Variants in IGSF10 observed in about 807,000 individuals in gnomAD.
IGSF10 encodes the protein calvaria mechanical force protein 608.
A neutral mutation model predicts 128.2 loss-of-function variants in IGSF10; 126 were observed. The ratio of observed to expected loss-of-function variants is 0.98; its 90% CI spans 0.85 to 1.14. The LOEUF is 1.14. IGSF10 is among the 50% of genes most tolerant of loss of function. The pLI, the probability that IGSF10 is intolerant of heterozygous loss-of-function variation, is 0.00. For missense variants in IGSF10, 3,295 were observed against 3,149.8 expected (o/e 1.05, Z -1.10); for synonymous variants, 1,185 against 1,146.2 (o/e 1.03, Z -0.68).
intron 7 of IGSF10, among the ~76,000 whole-genome samples, chr3:151,439,833 CT>C (rs1242880041): frequency 6.6e-6 from 1 of 152,166 alleles, no homozygotes; most frequent in African/African-American, 2.4e-5. Context: ...ACTAAATCTA[CT>C]TTTTTAGACC....
the IGSF10 span, among the ~76,000 whole-genome samples, chr3:151,588,071 G>A: frequency 1.3e-5 from 2 of 152,250 alleles, no homozygotes; most frequent in South Asian, 4.2e-4. Flanking sequence ...AATTAAGTGA[G>A]GTATGAAATA....
At chr3:151,601,284 A>G in the IGSF10 span, among the ~76,000 whole-genome samples, 1 of 152,208 alleles carries the variant, frequency 6.6e-6, no homozygotes, top group Non-Finnish European at 1.5e-5. Context: ...TCTCTTTTAC[A>G]CGACAGTGCT....
the IGSF10 span, among the ~76,000 whole-genome samples, chr3:151,507,215 G>GTATA: frequency 6.6e-6 from 1 of 152,064 alleles, no homozygotes; most frequent in African/African-American, 2.4e-5. Context: ...GATCCTCCAG[G>GTATA]TATAGTCTTC....
chr3:151,616,151 A>G, the IGSF10 span, among the ~76,000 whole-genome samples: 3 of 151,654 alleles, frequency 2.0e-5, no homozygotes, highest in African/African-American at 7.3e-5. Context: ...TTTAGTAGAG[A>G]CAGGGTTTCT....
chr3:151,447,465 C>G lies in IGSF10; in HGVS notation c.2516G>C (p.Gly839Ala). 1.9e-6 allele frequency: 3 copies of G among 1,614,106 alleles called. No homozygotes were observed. In the South Asian group the frequency reaches 3.3e-5, roughly 18 times the overall value. ...SDSPMTNINY[G>A]TEFSPVVNSQ... The stretch of plus-strand genomic sequence containing the variant: ...ATTCACAACAGGAGAGAATTCTGTG[C>G]CATAATTTATGTTTGTCATAGGACT... Residue 839 changes from glycine to alanine, a missense_variant, in exon 6 of 8, where the codon GGC becomes GCC. By Grantham distance (60) the Gly-to-Ala change is moderately conservative. Transcript: ENST00000282466.
intron 2 of IGSF10, among the ~76,000 whole-genome samples, chr3:151,459,771 G>A (rs1721968088): frequency 6.6e-6 from 1 of 152,134 alleles, no homozygotes; most frequent in African/African-American, 2.4e-5. Flanking sequence ...TCTTTATTGT[G>A]CTTTTCCAAG....
Position 151,458,551 on chromosome 3 carries a change from G to A in IGSF10, c.159C>T (p.Asp53=), listed in dbSNP as rs199979646. The A allele has an allele frequency of 3.1e-6, 5 of 1,614,100 alleles. No homozygotes were observed. In the African/African-American group the frequency reaches 4.0e-5, roughly 13 times the overall value. ...TGCGTTCCACATTGGGCGGGATGCTGTCTGGGATGGAAGTCAGGTACCGAA... is the reference window on the plus strand; with the variant it reads ...TGCGTTCCACATTGGGCGGGATGCTATCTGGGATGGAAGTCAGGTACCGAA... ...CTFRYLTSIP[D]SIPPNVERIN... The change falls in exon 3 of 8, where the codon GAC becomes GAT. Residue 53 remains aspartate (D), a synonymous_variant. Coordinates refer to ENST00000282466, the MANE Select transcript of IGSF10 (RefSeq NM_178822.5).
At chr3:151,450,227 T>C (rs1327833566) in intron 5 of IGSF10, among the ~76,000 whole-genome samples, 5 of 152,208 alleles carry the variant, frequency 3.3e-5, no homozygotes, top group Admixed American at 3.3e-4. Flanking sequence ...AAATGGCTGG[T>C]CACTGGAATA....
Position 151,461,002 on chromosome 3 carries a change from TC to T in IGSF10, c.-146del, listed in dbSNP as rs1722030157. On this transcript the variant is annotated 5_prime_UTR_variant, in exon 1 of 8. Transcript: ENST00000282466. ...TGCCCGGGCTAGGTCCCGGGCTCGG[TC>T]CCGGGCTCAGCTGCTGGGGTCGTGC... The T allele has an allele frequency of 1.0e-6, 1 of 984,606 alleles. No homozygotes were observed. The allele number at this position is 984,606 out of a possible 1,614,324, so 61.0% of individuals were successfully genotyped here.
the IGSF10 span, among the ~76,000 whole-genome samples, chr3:151,519,472 TG>T: frequency 6.6e-6 from 1 of 151,718 alleles, no homozygotes; most frequent in Non-Finnish European, 1.5e-5. Flanking sequence ...GAGGTTAAGT[TG>T]GGGGATATAT....
At position 151,448,142 on chromosome 3, in the gene IGSF10, A is replaced by G; in HGVS notation, c.1839T>C (p.Asn613=). 6.2e-7 allele frequency: 1 copy of G among 1,614,178 alleles called. No individual in the cohort carries two copies. The highest frequency in any genetic ancestry group is 8.5e-7 in the Non-Finnish European group (1 of 1,180,018). ...ASISWVIPGN[N]VLYQSSRDKK... ...TGTCTCTTGATGACTGATAGAGCAC[A>G]TTGTTTCCTGGAATAACCCAGCTAA... Residue 613 remains asparagine, a synonymous_variant, in exon 6 of 8, where the codon AAT becomes AAC. Coordinates refer to ENST00000282466, the MANE Select transcript of IGSF10 (RefSeq NM_178822.5).
the IGSF10 span, among the ~76,000 whole-genome samples, chr3:151,505,330 T>C: frequency 1.3e-5 from 2 of 152,054 alleles, no homozygotes; most frequent in Admixed American, 1.3e-4. Context: ...TATAAAACCA[T>C]CAGATCTCGT....
the IGSF10 span, among the ~76,000 whole-genome samples, chr3:151,519,539 C>A: frequency 1.2e-4 from 18 of 151,572 alleles, no homozygotes; most frequent in Non-Finnish European, 2.1e-4. Flanking sequence ...TTCAACTTAC[C>A]CTAAATTTAA....
the IGSF10 span, among the ~76,000 whole-genome samples, chr3:151,598,692 A>G: frequency 2.7e-4 from 41 of 152,378 alleles, no homozygotes; most frequent in African/African-American, 8.9e-4. Flanking sequence ...TACATTCAGT[A>G]TAGACACAAC....
chr3:151,584,353 T>C, the IGSF10 span, among the ~76,000 whole-genome samples: 2 of 152,342 alleles, frequency 1.3e-5, no homozygotes, highest in African/African-American at 4.8e-5. Context: ...TTTTTGTCAA[T>C]TCTGACAATC....
chr3:151,586,246 G>A, the IGSF10 span, among the ~76,000 whole-genome samples: 52 of 152,164 alleles, frequency 3.4e-4, no homozygotes, highest in African/African-American at 9.4e-4. Context: ...AGGCATGAGC[G>A]AAGGCACCTG....
At chr3:151,534,747 T>C in the IGSF10 span, among the ~76,000 whole-genome samples, 4 of 151,994 alleles carry the variant, frequency 2.6e-5, no homozygotes, top group Non-Finnish European at 5.9e-5. Flanking sequence ...GGCATGTGTG[T>C]ACCTATGTAA....
At chr3:151,585,500 C>T in the IGSF10 span, among the ~76,000 whole-genome samples, 1 of 152,096 alleles carries the variant, frequency 6.6e-6, no homozygotes, top group African/African-American at 2.4e-5. Flanking sequence ...AAACTATGTA[C>T]ATGTCACTGT....
At chr3:151,594,483 G>A in the IGSF10 span, among the ~76,000 whole-genome samples, 5 of 151,678 alleles carry the variant, frequency 3.3e-5, no homozygotes, top group African/African-American at 7.3e-5. Flanking sequence ...ACAGGCACCC[G>A]CCACCACGCC....
Sources: gnomAD v4.1 joint callset for allele counts (sites outside exome capture counted in the v4.1 genomes callset) on GRCh38, gnomAD v4.1.1 for gene constraint, MANE v1.5 for transcripts, NCBI Gene and HGNC (gene_info 2026-07-23, HGNC 2026-07-21) for gene names.